The following DDX43 variants were observed in gnomAD, a reference collection of about 807,000 sequenced individuals.
DDX43 encodes DEAD-box helicase 43.
DDX43 carries 50 observed loss-of-function variants against 84.9 expected under a neutral mutation model. The ratio of observed to expected loss-of-function variants is 0.59; its 90% CI spans 0.47 to 0.75. The LOEUF (loss-of-function observed/expected upper bound fraction) is 0.75. Ranked by LOEUF, DDX43 falls within the 30% of genes least tolerant of loss-of-function variation. DDX43 has a pLI of 0.00. For missense variants in DDX43, 689 were observed against 798.6 expected, an observed-to-expected ratio of 0.86 and a Z score of 1.65; for synonymous variants, 291 against 266.3, an observed-to-expected ratio of 1.09 and a Z score of -0.90.
chr6:73,402,291 A>G (rs1769592536), intron 4 of DDX43, among the ~76,000 whole-genome samples: 1 of 152,164 alleles, frequency 6.6e-6, no homozygotes, highest in Non-Finnish European at 1.5e-5. Context: ...TGCAAACCAT[A>G]AGTTAACATT....
intron 4 of DDX43, among the ~76,000 whole-genome samples, chr6:73,404,476 C>T (rs1234331214): frequency 6.6e-6 from 1 of 152,198 alleles, no homozygotes; most frequent in East Asian, 1.9e-4. Context: ...ATGCCAGCCT[C>T]TCAAAGTGCT....
At position 73,402,057 on chromosome 6, in the gene DDX43, A is replaced by G; in HGVS notation, c.568+67A>G. The G allele has an allele frequency of 1.9e-6, 3 of 1,564,740 alleles. No individual in the cohort carries two copies. The Admixed American group carries it at 5.8e-5, about 30-fold the overall frequency. On this transcript the variant is annotated intron_variant, in intron 4 of 16. Coordinates refer to ENST00000370336, the MANE Select transcript of DDX43 (RefSeq NM_018665.3). ...AACTGCAGTTTTTATTCTCTGTACA[A>G]TGTCTGTGCTTTATTTTTAGTAATG...
intron 4 of DDX43, among the ~76,000 whole-genome samples, chr6:73,403,621 T>C (rs1235795456): frequency 6.6e-6 from 1 of 152,144 alleles, no homozygotes; most frequent in Non-Finnish European, 1.5e-5. Context: ...AGTTGTGGTG[T>C]TTGATGTCTT....
At chr6:73,404,039 G>A (rs569168456) in intron 4 of DDX43, among the ~76,000 whole-genome samples, 12 of 152,012 alleles carry the variant, frequency 7.9e-5, no homozygotes, top group African/African-American at 2.7e-4. Context: ...GGCTGGTCTC[G>A]AACTCCTGAC....
rs763839162 is a variant in DDX43, at chr6:73,401,984, T to C, written c.562T>C (p.Trp188Arg). The C allele has an allele frequency of 1.2e-6, 2 of 1,613,958 alleles. No individual in the cohort carries two copies. The highest frequency in any genetic ancestry group is 1.7e-5 in the Admixed American group (1 of 59,996). Reference sequence around the variant, plus strand: ...AGGTTTGAAATGGCAAAAAACAAAGTGGGCAGGTCAGTGCTGCTTCCTAAT... The same window carrying C: ...AGGTTTGAAATGGCAAAAAACAAAGCGGGCAGGTCAGTGCTGCTTCCTAAT... ...EEGLKWQKTK[W>R]ADLPPIKKNF... The change falls in exon 4 of 17, where the codon TGG becomes CGG. Residue 188 changes from tryptophan to arginine, a missense_variant. Physicochemically the swap from Trp to Arg is moderately radical, Grantham distance 101. Around this residue, in one of 2 missense-constraint regions of DDX43, gnomAD observed 552 missense variants for 692.7 expected, o/e 0.80. Transcript: ENST00000370336.
intron 13 of DDX43, 24 bp from the exon 14 acceptor site, chr6:73,414,524 T>C (rs1769865544): frequency 6.2e-7 from 1 of 1,600,652 alleles, no homozygotes; most frequent in South Asian, 1.1e-5. Flanking sequence ...AATGGTTCAG[T>C]GTTCATTTGG....
At chr6:73,402,141 G>A (rs1769587200) in intron 4 of DDX43, 151 bp downstream of exon 4, 4 of 962,404 alleles carry the variant, frequency 4.2e-6, no homozygotes, top group Middle Eastern at 5.1e-4. Context: ...GGTTATGATA[G>A]TTTCTATGTT....
At chr6:73,415,255 G>A (rs995070399) in intron 14 of DDX43, among the ~76,000 whole-genome samples, 34 of 152,082 alleles carry the variant, frequency 2.2e-4, no homozygotes, top group African/African-American at 8.2e-4. Context: ...CCGAGATTGC[G>A]CCATTGCACT....
intron 10 of DDX43, among the ~76,000 whole-genome samples, chr6:73,409,805 T>C (rs1582640055): frequency 6.6e-6 from 1 of 152,064 alleles, no homozygotes; most frequent in Non-Finnish European, 1.5e-5. Flanking sequence ...CCGAGGTGGG[T>C]GGATCACCCG....
At chr6:73,395,696 A>C (rs17756426) in intron 1 of DDX43, among the ~76,000 whole-genome samples, 12,653 of 152,016 alleles carry the variant, frequency 0.083, 598 homozygotes, top group South Asian at 0.14. Flanking sequence ...AACTCCTAGA[A>C]GACTTATGAA....
At chr6:73,399,084 T>A (rs1769523687) in intron 2 of DDX43, among the ~76,000 whole-genome samples, 1 of 152,098 alleles carries the variant, frequency 6.6e-6, no homozygotes, top group African/African-American at 2.4e-5. Flanking sequence ...TAGCTGGGAT[T>A]ACAGGTGCCC....
intron 1 of DDX43, among the ~76,000 whole-genome samples, chr6:73,396,054 C>T (rs1357774521): frequency 2.0e-5 from 3 of 151,682 alleles, no homozygotes; most frequent in Non-Finnish European, 2.9e-5. Flanking sequence ...CTTCCACCTC[C>T]CGGGCTCAAG....
In DDX43 at chr6:73,402,646, C is replaced by T. The variant is rs1216758293; in HGVS notation, c.568+656C>T. Among the ~76,000 whole-genome samples, 4 of 152,170 alleles carry T rather than the reference C, an allele frequency of 2.6e-5. No individual in the cohort carries two copies. In the East Asian group the frequency reaches 5.8e-4, roughly 22 times the overall value. ...CCAGGCTGGAGTGCAGTGGCGTGAT[C>T]TTGGCTCACCACAAACTCCATCTCC... On this transcript the variant is annotated intron_variant, in intron 4 of 16. Transcript: ENST00000370336.
At chr6:73,414,215 T>C in intron 13 of DDX43, 136 bp downstream of exon 13, 8 of 619,704 alleles carry the variant, frequency 1.3e-5, no homozygotes, top group Non-Finnish European at 2.3e-5. Flanking sequence ...ACTACACTCA[T>C]TAGAGCTCTA....
Position 73,402,951 on chromosome 6 carries a change from G to C in DDX43, c.568+961G>C, listed in dbSNP as rs6935181. ...TGGGGGATAATGCTTCATTATTCAA[G>C]CACTAGCCTTGGCTCTCGGGAGGAG... On this transcript the variant is annotated intron_variant, in intron 4 of 16. Transcript: ENST00000370336. 1.9e-4 allele frequency among the ~76,000 whole-genome samples: 29 copies of C among 152,292 alleles called. 1 individual carries two copies. In the East Asian group the frequency reaches 5.4e-3, roughly 28 times the overall value.
At chr6:73,415,931 G>T (rs772120466) in intron 15 of DDX43, among the ~76,000 whole-genome samples, 182 bp from the exon 16 acceptor site, 5 of 152,194 alleles carry the variant, frequency 3.3e-5, no homozygotes, top group Admixed American at 6.5e-5. Flanking sequence ...AAGGCACTTG[G>T]AAGCAGCTGA....
At chr6:73,397,643 AC>A (rs1174334337) in intron 1 of DDX43, 45 bp from the exon 2 acceptor site, 2 of 1,478,428 alleles carry the variant, frequency 1.4e-6, no homozygotes, top group Non-Finnish European at 1.9e-6. Flanking sequence ...TTTTCAACTT[AC>A]TAATTTCAAC....
chr6:73,402,070 A>G, intron 4 of DDX43, 80 bp downstream of exon 4: 1 of 1,530,618 alleles, frequency 6.5e-7, no homozygotes, highest in Non-Finnish European at 8.9e-7. Context: ...TCTGTGCTTT[A>G]TTTTTAGTAA....
At chr6:73,412,124 T>G in intron 10 of DDX43, 81 bp from the exon 11 acceptor site, 1 of 1,218,206 alleles carries the variant, frequency 8.2e-7, no homozygotes, top group Non-Finnish European at 1.2e-6. Flanking sequence ...CTTTCATGAG[T>G]AACTTGGTTC....
Sources: allele counts gnomAD v4.1 joint callset (sites outside exome capture counted in the v4.1 genomes callset), GRCh38; gene constraint gnomAD v4.1.1; regional missense constraint gnomAD v4.1.1; transcripts MANE v1.5; gene names NCBI Gene and HGNC (gene_info 2026-07-23, HGNC 2026-07-21).